The following PHKA2 variants were observed in gnomAD, a reference collection of about 807,000 sequenced individuals.
The protein encoded by PHKA2 is phosphorylase b kinase regulatory subunit alpha, liver isoform.
Under a neutral mutation model 102.0 loss-of-function variants are expected in PHKA2, and 31 were observed. The observed-to-expected ratio is 0.30, with a 90% CI of 0.23 to 0.41. PHKA2 has a LOEUF of 0.41. Ranked by LOEUF, PHKA2 falls within the 10% of genes least tolerant of loss-of-function variation. The pLI, the probability that PHKA2 is intolerant of heterozygous loss-of-function variation, is 1.00. For synonymous variants in PHKA2, 455 were observed against 416.2 expected, an observed-to-expected ratio of 1.09 and a Z score of -1.13; for missense variants, 858 against 1,023.1, an observed-to-expected ratio of 0.84 and a Z score of 2.20.
intron 1 of PHKA2, among the ~76,000 whole-genome samples, chrX:18,978,218 T>C (rs2049117978): frequency 9.0e-6 from 1 of 111,294 alleles, no homozygotes; most frequent in Non-Finnish European, 1.9e-5. Context: ...ATACTCGTTG[T>C]GACAGGTGGA....
chrX:18,927,330 C>T (rs2048228244), intron 13 of PHKA2, among the ~76,000 whole-genome samples: 1 of 112,259 alleles, frequency 8.9e-6, no homozygotes, highest in African/African-American at 3.2e-5. Context: ...GGCTAGGCTG[C>T]ACCTGCTGTA....
Position 18,971,066 on chromosome X carries a change from G to A in PHKA2, c.78+12789C>T, listed in dbSNP as rs559267298. ...GGTAGCCCAGGTATCTGGGTGAACCGCCCAATGACCTGGACCCACAATGGA... is the reference window on the plus strand; with the variant it reads ...GGTAGCCCAGGTATCTGGGTGAACCACCCAATGACCTGGACCCACAATGGA... On this transcript the variant is annotated intron_variant, in intron 1 of 32. Transcript: ENST00000379942. Among the ~76,000 whole-genome samples, 76 of 112,543 alleles carry A rather than the reference G, an allele frequency of 6.8e-4. 1 individual carries two copies. The South Asian group carries it at 0.024, about 36-fold the overall frequency.
chrX:18,893,731 C>T (rs772320938), intron 32 of PHKA2, 76 bp from the exon 33 acceptor site: 103 of 973,439 alleles, frequency 1.1e-4, no homozygotes, highest in Non-Finnish European at 1.4e-4. Flanking sequence ...GTGGTGGCAG[C>T]GGGTCAACAT....
intron 11 of PHKA2, 138 bp downstream of exon 11, chrX:18,935,917 A>T: frequency 1.9e-6 from 1 of 518,892 alleles, no homozygotes; most frequent in Non-Finnish European, 3.4e-6. Flanking sequence ...CGCCCAGCCT[A>T]CCTAAGGCTT....
intron 25 of PHKA2, among the ~76,000 whole-genome samples, 172 bp downstream of exon 25, chrX:18,906,323 G>A (rs997522213): frequency 8.9e-6 from 1 of 112,431 alleles, no homozygotes; most frequent in Admixed American, 9.4e-5. Context: ...GCTCTATGCC[G>A]CATGGATGGG....
At chrX:18,959,506 A>G (rs1011820221) in intron 1 of PHKA2, among the ~76,000 whole-genome samples, 13 of 111,656 alleles carry the variant, frequency 1.2e-4, no homozygotes, top group Middle Eastern at 4.6e-3. Flanking sequence ...ATTTTATCAC[A>G]TTGACATTTT....
At chrX:18,983,803 A>C (rs2049218043) in intron 1 of PHKA2, 52 bp downstream of exon 1, 2 of 996,988 alleles carry the variant, frequency 2.0e-6, no homozygotes, top group East Asian at 6.1e-5. Flanking sequence ...AAGGAGAATG[A>C]GTTACATGAG....
At chrX:18,911,168 G>A (rs1473390169) in intron 19 of PHKA2, among the ~76,000 whole-genome samples, 9 of 107,858 alleles carry the variant, frequency 8.3e-5, no homozygotes, top group Non-Finnish European at 1.3e-4. Flanking sequence ...ACCACGCCCA[G>A]CTAATTTTTT....
intron 5 of PHKA2, among the ~76,000 whole-genome samples, chrX:18,947,210 G>C (rs1435344136): frequency 3.6e-5 from 4 of 112,039 alleles, no homozygotes; most frequent in Non-Finnish European, 5.6e-5. Flanking sequence ...GAGACCCTAG[G>C]GCCTGTAAAG....
intron 26 of PHKA2, among the ~76,000 whole-genome samples, chrX:18,904,297 ACAT>A (rs1339601306): frequency 8.9e-6 from 1 of 112,110 alleles, no homozygotes; most frequent in Non-Finnish European, 1.9e-5. Flanking sequence ...TTTATCTCAG[ACAT>A]CTCAGGATTT....
At chrX:18,905,162 G>T (rs375586438) in intron 26 of PHKA2, among the ~76,000 whole-genome samples, 11 of 111,413 alleles carry the variant, frequency 9.9e-5, no homozygotes, top group African/African-American at 3.6e-4. Flanking sequence ...TGGCATTCGG[G>T]GTCCCCCACA....
intron 6 of PHKA2, among the ~76,000 whole-genome samples, chrX:18,944,486 G>T (rs1243035775): frequency 8.9e-6 from 1 of 111,939 alleles, no homozygotes; most frequent in Non-Finnish European, 1.9e-5. Context: ...GGGAGGGAAG[G>T]AGGCACACCA....
Position 18,944,652 on chromosome X carries a change from C to T in PHKA2, c.618+426G>A, listed in dbSNP as rs777643744. On this transcript the variant is annotated intron_variant, in intron 6 of 32. Coordinates refer to ENST00000379942, the MANE Select transcript of PHKA2 (RefSeq NM_000292.3). ...TCCCCAATTCCTCCCCTGACCCCCA[C>T]CTTGCTGTCTGGCTAGTTTCACTTC... Among the ~76,000 whole-genome samples the T allele has an allele frequency of 1.1e-4, 12 of 112,244 alleles. No individual in the cohort carries two copies. In the South Asian group the frequency reaches 1.1e-3, roughly 10 times the overall value.
At chrX:18,957,720 T>C (rs2048802560) in intron 1 of PHKA2, among the ~76,000 whole-genome samples, 1 of 100,845 alleles carries the variant, frequency 9.9e-6, no homozygotes, top group Admixed American at 1.0e-4. Flanking sequence ...TTTTTTCCTA[T>C]GTGTTACTAA....
chrX:18,906,318 A>G (rs2047809882), intron 25 of PHKA2, among the ~76,000 whole-genome samples, 177 bp downstream of exon 25: 1 of 112,488 alleles, frequency 8.9e-6, no homozygotes, highest in Admixed American at 9.4e-5. Flanking sequence ...CTTCAGCTCT[A>G]TGCCGCATGG....
At chrX:18,930,944 C>CT (rs2048304576) in intron 12 of PHKA2, among the ~76,000 whole-genome samples, 1 of 111,291 alleles carries the variant, frequency 9.0e-6, no homozygotes, top group Non-Finnish European at 1.9e-5. Context: ...CCCTCCCTGC[C>CT]TCCCCGGGGT....
At chrX:18,955,866 T>C (rs2048766085) in intron 1 of PHKA2, among the ~76,000 whole-genome samples, 1 of 112,311 alleles carries the variant, frequency 8.9e-6, no homozygotes, top group African/African-American at 3.2e-5. Flanking sequence ...TCAACTGATA[T>C]TACCCACAGG....
intron 5 of PHKA2, among the ~76,000 whole-genome samples, chrX:18,947,771 G>A (rs1263864334): frequency 1.8e-5 from 2 of 112,433 alleles, no homozygotes; most frequent in South Asian, 3.7e-4. Flanking sequence ...ATCAGTCAAC[G>A]AGTAGATAAA....
intron 20 of PHKA2, 105 bp downstream of exon 20, chrX:18,910,767 G>C (rs2748321): frequency 2.0e-6 from 1 of 504,697 alleles, no homozygotes; most frequent in South Asian, 2.3e-5. Context: ...CTGATATCGA[G>C]AAATATGCTG....
Sources: allele counts gnomAD v4.1 joint callset (sites outside exome capture counted in the v4.1 genomes callset), GRCh38; gene constraint gnomAD v4.1.1; transcripts MANE v1.5; gene names NCBI Gene and HGNC (gene_info 2026-07-23, HGNC 2026-07-21).